The following TENM4 variants were observed in gnomAD, a reference collection of about 807,000 sequenced individuals.
TENM4 encodes the protein teneurin transmembrane protein 4.
TENM4 carries 82 observed loss-of-function variants against 243.3 expected under a neutral mutation model. The ratio of observed to expected loss-of-function variants is 0.34; its 90% CI spans 0.28 to 0.40. TENM4 has a LOEUF of 0.40. Ranked by LOEUF, TENM4 falls within the 10% of genes least tolerant of loss-of-function variation. The pLI, the probability that TENM4 is intolerant of heterozygous loss-of-function variation, is 1.00. For missense variants in TENM4, 3,138 were observed against 3,673.3 expected, an observed-to-expected ratio of 0.85 and a Z score of 3.77; for synonymous variants, 1,412 against 1,456.3, an observed-to-expected ratio of 0.97 and a Z score of 0.69.
intron 1 of TENM4, among the ~76,000 whole-genome samples, chr11:79,400,037 T>C (rs548545439): frequency 1.3e-5 from 2 of 151,916 alleles, no homozygotes; most frequent in South Asian, 4.2e-4. Context: ...CTAGAATAAA[T>C]ATTTGTTGAT....
At chr11:78,886,478 G>A (rs1411650713) in intron 9 of TENM4, among the ~76,000 whole-genome samples, 2 of 152,226 alleles carry the variant, frequency 1.3e-5, no homozygotes, top group African/African-American at 4.8e-5. Flanking sequence ...GTGAAGCAAG[G>A]GTGGGATGGC....
At chr11:79,412,079 G>A (rs893741078) in intron 1 of TENM4, among the ~76,000 whole-genome samples, 16 of 152,282 alleles carry the variant, frequency 1.1e-4, no homozygotes, top group African/African-American at 2.6e-4. Context: ...GGCCCTGGTG[G>A]CCAGGCCTGG....
intron 12 of TENM4, among the ~76,000 whole-genome samples, chr11:78,846,251 G>A (rs1041450955): frequency 9.2e-5 from 14 of 152,142 alleles, no homozygotes; most frequent in Non-Finnish European, 1.8e-4. Flanking sequence ...ATCTTTTCTA[G>A]GACGTGTGCT....
At chr11:79,310,199 TGAA>T (rs1194526812) in intron 1 of TENM4, among the ~76,000 whole-genome samples, 1 of 152,014 alleles carries the variant, frequency 6.6e-6, no homozygotes, top group Admixed American at 6.6e-5. Flanking sequence ...CCAAATAAAA[TGAA>T]GAACAATGCC....
intron 2 of TENM4, among the ~76,000 whole-genome samples, chr11:79,267,570 C>T (rs543914976): frequency 6.6e-6 from 1 of 152,244 alleles, no homozygotes; most frequent in East Asian, 1.9e-4. Context: ...GTGACCTAGA[C>T]AAATTAAAAC....
At chr11:79,037,474 T>C (rs1243333665) in intron 6 of TENM4, among the ~76,000 whole-genome samples, 2 of 152,218 alleles carry the variant, frequency 1.3e-5, no homozygotes, top group African/African-American at 4.8e-5. Context: ...GGATTTCTGA[T>C]TGGTTAGTGA....
In TENM4 at chr11:78,710,855, G is replaced by A. The variant is rs544574264; in HGVS notation, c.4054+1627C>T. 1.3e-4 allele frequency among the ~76,000 whole-genome samples: 20 copies of A among 152,208 alleles called. 1 individual carries two copies. The highest frequency in any genetic ancestry group is 2.6e-4 in the Admixed American group (4 of 15,288). On this transcript the variant is annotated intron_variant, in intron 26 of 33. Transcript: ENST00000278550. ...CATCTGTGTGAGGGTGGGGGGCCACGAGGGCGGGGAAGAGAACACACATGT... is the reference window on the plus strand; with the variant it reads ...CATCTGTGTGAGGGTGGGGGGCCACAAGGGCGGGGAAGAGAACACACATGT...
intron 3 of TENM4, among the ~76,000 whole-genome samples, chr11:79,153,175 T>G (rs1862542114): frequency 1.3e-5 from 2 of 152,204 alleles, no homozygotes; most frequent in South Asian, 4.1e-4. Context: ...ATGTGTGCCA[T>G]GAATAACAAC....
At chr11:79,295,040 C>T (rs138886238) in intron 2 of TENM4, among the ~76,000 whole-genome samples, 7 of 152,220 alleles carry the variant, frequency 4.6e-5, no homozygotes, top group African/African-American at 1.7e-4. Flanking sequence ...AGACAGGAGC[C>T]CATACCCCAG....
chr11:78,927,849 T>TTTTC (rs1554978839), intron 6 of TENM4, among the ~76,000 whole-genome samples: 3 of 149,290 alleles, frequency 2.0e-5, no homozygotes, highest in Non-Finnish European at 4.5e-5. Context: ...AAGCATCCTG[T>TTTTC]TCTCTCTCTC....
chr11:78,806,310 A>C (rs150501392), intron 14 of TENM4, among the ~76,000 whole-genome samples: 204 of 152,234 alleles, frequency 1.3e-3, no homozygotes, highest in African/African-American at 4.7e-3. Context: ...AAAAACAAAC[A>C]AACAAAACAA....
At chr11:79,020,171 G>A (rs1858889886) in intron 6 of TENM4, among the ~76,000 whole-genome samples, 1 of 152,176 alleles carries the variant, frequency 6.6e-6, no homozygotes, top group Non-Finnish European at 1.5e-5. Flanking sequence ...TGATGTTAGT[G>A]TGTGTTACTG....
intron 3 of TENM4, among the ~76,000 whole-genome samples, chr11:79,172,715 A>C (rs1272534826): frequency 1.4e-5 from 2 of 141,332 alleles, no homozygotes; most frequent in Non-Finnish European, 3.0e-5. Context: ...CCCAGGCTGG[A>C]GTGTTGTGGT....
intron 1 of TENM4, among the ~76,000 whole-genome samples, chr11:79,403,437 TA>T (rs143928808): frequency 0.02 from 3,064 of 152,312 alleles, 127 homozygotes; most frequent in African/African-American, 0.071. Flanking sequence ...AAGGCACTGA[TA>T]GTTCCATTTT....
At chr11:78,709,470 C>T (rs1859348237) in intron 26 of TENM4, among the ~76,000 whole-genome samples, 1 of 152,186 alleles carries the variant, frequency 6.6e-6, no homozygotes, top group African/African-American at 2.4e-5. Flanking sequence ...AACTTTCTCC[C>T]TGACCCAACT....
chr11:78,787,522 G>A (rs147552365), intron 15 of TENM4, among the ~76,000 whole-genome samples: 67 of 152,212 alleles, frequency 4.4e-4, no homozygotes, highest in South Asian at 2.9e-3. Context: ...AGTCCCCTTC[G>A]CCCAATGAAG....
chr11:78,988,491 A>G (rs1172989458), intron 6 of TENM4, among the ~76,000 whole-genome samples: 1 of 152,236 alleles, frequency 6.6e-6, no homozygotes, highest in African/African-American at 2.4e-5. Flanking sequence ...CATAAGGCCT[A>G]TTTGAATTCA....
chr11:78,997,487 G>T lies in TENM4; in HGVS notation c.493+67251C>A, dbSNP rs78589092. 5.3e-5 allele frequency among the ~76,000 whole-genome samples: 8 copies of T among 152,248 alleles called. No individual in the cohort carries two copies. In the East Asian group the frequency reaches 1.4e-3, roughly 26 times the overall value. On this transcript the variant is annotated intron_variant, in intron 6 of 33. Coordinates refer to ENST00000278550, the MANE Select transcript of TENM4 (RefSeq NM_001098816.3). ...ACAACTTTAAGACTGGTTAAAATACGTGCCATAGTTATAATTCAGGAGCTA... is the reference window on the plus strand; with the variant it reads ...ACAACTTTAAGACTGGTTAAAATACTTGCCATAGTTATAATTCAGGAGCTA...
At chr11:79,412,970 G>C (rs922701327) in intron 1 of TENM4, among the ~76,000 whole-genome samples, 1 of 152,200 alleles carries the variant, frequency 6.6e-6, no homozygotes, top group African/African-American at 2.4e-5. Flanking sequence ...CATAACAAAG[G>C]CAAGGGCAGG....
Sources: gnomAD v4.1 joint callset for allele counts (sites outside exome capture counted in the v4.1 genomes callset) on GRCh38, gnomAD v4.1.1 for gene constraint, MANE v1.5 for transcripts, NCBI Gene and HGNC (gene_info 2026-07-23, HGNC 2026-07-21) for gene names.